Variants in LRMDA observed in about 807,000 individuals in gnomAD.
LRMDA encodes leucine rich melanocyte differentiation associated.
LRMDA carries 18 observed loss-of-function variants against 29.8 expected under a neutral mutation model. The ratio of observed to expected loss-of-function variants is 0.60; its 90% CI spans 0.42 to 0.90. The LOEUF is 0.90. LRMDA is among the 40% of genes least tolerant of loss of function. LRMDA has a pLI of 0.00. For missense variants in LRMDA, 273 were observed against 273.9 expected (o/e 1.00, Z 0.02); for synonymous variants, 125 against 109.4 (o/e 1.14, Z -0.89).
chr10:76,143,572 A>T lies in LRMDA; in HGVS notation c.516+84789A>T, dbSNP rs542849598. ...TTTTCTTGTAAATTTGTTTGAGTTC[A>T]TTGTAGATTCTGGATATTAGCCCTT... On this transcript the variant is annotated intron_variant, in intron 5 of 6. Transcript: ENST00000611255. 4.6e-5 allele frequency among the ~76,000 whole-genome samples: 7 copies of T among 151,748 alleles called. No individual in the cohort carries two copies. In the East Asian group the frequency reaches 1.4e-3, roughly 29 times the overall value.
At chr10:75,497,898 A>T (rs1589161063) in intron 2 of LRMDA, among the ~76,000 whole-genome samples, 2 of 152,020 alleles carry the variant, frequency 1.3e-5, no homozygotes, top group South Asian at 4.1e-4. Flanking sequence ...GTATATATAT[A>T]TTTTCACTTC....
chr10:75,662,111 C>CT (rs57920612), intron 2 of LRMDA, among the ~76,000 whole-genome samples: 2,186 of 146,172 alleles, frequency 0.015, 56 homozygotes, highest in African/African-American at 0.049. Flanking sequence ...AATTTAGCTG[C>CT]TTTTTTTTTT....
intron 6 of LRMDA, among the ~76,000 whole-genome samples, chr10:76,439,739 G>T (rs1421810902): frequency 3.3e-5 from 5 of 152,160 alleles, no homozygotes; most frequent in Non-Finnish European, 7.3e-5. Context: ...GTGCCAGCAG[G>T]GATGGATGGT....
At chr10:76,270,359 A>T (rs1319103062) in intron 5 of LRMDA, 2 of 152,152 alleles carry the variant, frequency 1.3e-5, no homozygotes, top group Admixed American at 1.3e-4. Flanking sequence ...TGGTGTATGG[A>T]GCATAGGGTT....
chr10:75,476,462 C>T (rs762614456), intron 2 of LRMDA, among the ~76,000 whole-genome samples: 12 of 152,122 alleles, frequency 7.9e-5, no homozygotes, highest in African/African-American at 1.2e-4. Flanking sequence ...ATCCTCCTGA[C>T]GCCCTAGGTT....
At chr10:76,072,229 G>A (rs1308619730) in intron 5 of LRMDA, among the ~76,000 whole-genome samples, 8 of 152,162 alleles carry the variant, frequency 5.3e-5, no homozygotes, top group Admixed American at 3.9e-4. Context: ...CGAAGATGCA[G>A]GATAGTTTGT....
At chr10:76,246,321 A>C (rs1852376196) in intron 5 of LRMDA, among the ~76,000 whole-genome samples, 1 of 152,228 alleles carries the variant, frequency 6.6e-6, no homozygotes, top group Non-Finnish European at 1.5e-5. Flanking sequence ...TTGTGGTCAT[A>C]TCAGAGATCA....
At chr10:75,825,958 A>G (rs1844241007) in intron 2 of LRMDA, among the ~76,000 whole-genome samples, 1 of 152,198 alleles carries the variant, frequency 6.6e-6, no homozygotes. Flanking sequence ...AGACAAATAG[A>G]GGTGGGACTT....
chr10:76,339,457 T>C, intron 6 of LRMDA, among the ~76,000 whole-genome samples: 2 of 151,946 alleles, frequency 1.3e-5, no homozygotes. Flanking sequence ...GGATTTTTCC[T>C]CCTTAGAAAC....
chr10:76,319,528 T>A (rs1840743024), intron 5 of LRMDA, among the ~76,000 whole-genome samples: 1 of 151,620 alleles, frequency 6.6e-6, no homozygotes, highest in Admixed American at 6.6e-5. Flanking sequence ...TCATAGTATG[T>A]TTTTTTTTAT....
At position 75,900,776 on chromosome 10, in the gene LRMDA, A is replaced by AC. The variant is rs548520868; in HGVS notation, c.132-135225dup. Among the ~76,000 whole-genome samples, 114 of 151,518 alleles carry AC rather than the reference A, an allele frequency of 7.5e-4. 1 individual carries two copies. In the Middle Eastern group the frequency reaches 0.01, roughly 14 times the overall value. Reference sequence around the variant, plus strand: ...TGGAATGTGTTCTTCCTCCATGCCCACCCCCCCACCTTTCTTTTTCTTTTT... The same window carrying AC: ...TGGAATGTGTTCTTCCTCCATGCCCACCCCCCCCACCTTTCTTTTTCTTTTT... On this transcript the variant is annotated intron_variant, in intron 2 of 6. Coordinates refer to ENST00000611255, the MANE Select transcript of LRMDA (RefSeq NM_001305581.2).
chr10:75,560,745 CAT>C (rs1840282375), intron 2 of LRMDA, among the ~76,000 whole-genome samples: 2 of 151,508 alleles, frequency 1.3e-5, no homozygotes, highest in African/African-American at 2.4e-5. Context: ...TAGCATGAAG[CAT>C]TGTTGAATTT....
chr10:75,893,081 C>T (rs1356386401), intron 2 of LRMDA, among the ~76,000 whole-genome samples: 7 of 152,132 alleles, frequency 4.6e-5, no homozygotes, highest in African/African-American at 1.2e-4. Context: ...GGGTTGGACT[C>T]GTGTGATAGG....
intron 2 of LRMDA, among the ~76,000 whole-genome samples, chr10:75,842,275 G>T (rs1210111846): frequency 3.9e-5 from 6 of 152,154 alleles, no homozygotes; most frequent in African/African-American, 1.4e-4. Flanking sequence ...TCATTAGTAA[G>T]CTGTGTTATA....
At chr10:76,420,824 TTC>T (rs1392448638) in intron 6 of LRMDA, among the ~76,000 whole-genome samples, 1 of 152,128 alleles carries the variant, frequency 6.6e-6, no homozygotes, top group Non-Finnish European at 1.5e-5. Context: ...ACTTAAGTGT[TTC>T]TTAGTTATCT....
At chr10:75,557,710 A>G (rs1348529227) in intron 2 of LRMDA, among the ~76,000 whole-genome samples, 1 of 152,150 alleles carries the variant, frequency 6.6e-6, no homozygotes, top group African/African-American at 2.4e-5. Context: ...AGATGCCTAC[A>G]TGTCTTTTCT....
intron 5 of LRMDA, among the ~76,000 whole-genome samples, chr10:76,321,509 T>G (rs1244088247): frequency 6.7e-6 from 1 of 149,928 alleles, no homozygotes; most frequent in Non-Finnish European, 1.5e-5. Flanking sequence ...CTTTGTCTAT[T>G]TTTCTATTGA....
chr10:75,937,358 AT>A (rs1318404602), intron 2 of LRMDA, among the ~76,000 whole-genome samples: 3 of 152,216 alleles, frequency 2.0e-5, no homozygotes, highest in Non-Finnish European at 2.9e-5. Flanking sequence ...AGAATGAGCC[AT>A]TTTGGAGCTG....
intron 2 of LRMDA, among the ~76,000 whole-genome samples, chr10:75,897,555 G>A (rs1336575274): frequency 6.6e-6 from 1 of 152,134 alleles, no homozygotes; most frequent in African/African-American, 2.4e-5. Context: ...ATATGCTTGA[G>A]CTTTAAGGAA....
Sources: allele counts gnomAD v4.1 joint callset (sites outside exome capture counted in the v4.1 genomes callset), GRCh38; gene constraint gnomAD v4.1.1; transcripts MANE v1.5; gene names NCBI Gene and HGNC (gene_info 2026-07-23, HGNC 2026-07-21).